Variants in UXS1 observed in about 807,000 individuals in gnomAD.
The protein encoded by UXS1 is UDP-glucuronate decarboxylase 1.
UXS1 carries 33 observed loss-of-function variants against 62.6 expected under a neutral mutation model. The observed-to-expected ratio is 0.53, with a 90% CI of 0.40 to 0.70. UXS1 has a LOEUF of 0.70. Among genes scored for constraint, UXS1 ranks in the 30% least tolerant of loss-of-function variants. The probability of loss-of-function intolerance (pLI) is 0.00; values close to 1 mark genes in which losing one functional copy is unlikely to be tolerated. For missense variants in UXS1, 434 were observed against 556.3 expected (o/e 0.78, Z 2.21); for synonymous variants, 213 against 206.8 (o/e 1.03, Z -0.26).
intron 10 of UXS1, among the ~76,000 whole-genome samples, chr2:106,111,766 C>T (rs1678630892): frequency 6.6e-6 from 1 of 152,186 alleles, no homozygotes; most frequent in Admixed American, 6.5e-5. Context: ...TAATTCTTCC[C>T]CCTGGAATAC....
intron 5 of UXS1, among the ~76,000 whole-genome samples, chr2:106,157,152 G>A (rs1416338930): frequency 6.6e-6 from 1 of 152,078 alleles, no homozygotes; most frequent in Non-Finnish European, 1.5e-5. Flanking sequence ...TTCCTTGGGG[G>A]GGGCCTACAA....
chr2:106,142,084 C>A (rs1052311541), intron 6 of UXS1, among the ~76,000 whole-genome samples: 10 of 152,130 alleles, frequency 6.6e-5, no homozygotes, highest in African/African-American at 2.4e-4. Context: ...GTTGCCCAGG[C>A]TGGACTGAAA....
At chr2:106,143,422 AAAAAAAAAAAAAAAAAG>A (rs1385339953) in intron 6 of UXS1, among the ~76,000 whole-genome samples, 4 of 146,640 alleles carry the variant, frequency 2.7e-5, no homozygotes, top group Non-Finnish European at 6.0e-5. Context: ...AAAAAAAAAA[AAAAAAAAAAAAAAAAAG>A]GTATAATTTG....
intron 14 of UXS1, among the ~76,000 whole-genome samples, chr2:106,094,835 G>C (rs1043513718): frequency 1.3e-5 from 2 of 152,218 alleles, no homozygotes; most frequent in Non-Finnish European, 2.9e-5. Flanking sequence ...GGGCACCACT[G>C]GGGGAGAAGG....
At chr2:106,142,471 A>G (rs553252250) in intron 6 of UXS1, among the ~76,000 whole-genome samples, 1 of 152,316 alleles carries the variant, frequency 6.6e-6, no homozygotes, top group East Asian at 1.9e-4. Context: ...GTAATTTTCC[A>G]GATATCTTTC....
chr2:106,181,365 C>T (rs1212050736), intron 1 of UXS1, among the ~76,000 whole-genome samples: 2 of 152,224 alleles, frequency 1.3e-5, no homozygotes, highest in African/African-American at 2.4e-5. Flanking sequence ...CAGCGAGCAC[C>T]ACCGATTAGG....
At chr2:106,171,619 A>G (rs184708230) in intron 1 of UXS1, among the ~76,000 whole-genome samples, 197 of 152,368 alleles carry the variant, frequency 1.3e-3, no homozygotes, top group African/African-American at 4.4e-3. Flanking sequence ...GCCAGGCCAC[A>G]CAGAAAGTAC....
intron 1 of UXS1, among the ~76,000 whole-genome samples, chr2:106,185,156 T>A (rs6744825): frequency 1.3e-5 from 2 of 152,242 alleles, no homozygotes; most frequent in Non-Finnish European, 2.9e-5. Flanking sequence ...TCAACTCCAC[T>A]GCCCAAATTG....
At chr2:106,125,917 G>A (rs1027182684) in intron 7 of UXS1, among the ~76,000 whole-genome samples, 4 of 152,350 alleles carry the variant, frequency 2.6e-5, no homozygotes, top group Admixed American at 6.5e-5. Flanking sequence ...AGGGCCAAAC[G>A]CAGAATCTGT....
intron 1 of UXS1, among the ~76,000 whole-genome samples, chr2:106,181,389 G>A (rs1055364254): frequency 3.9e-5 from 6 of 152,196 alleles, no homozygotes; most frequent in African/African-American, 9.6e-5. Context: ...GAGAATAACC[G>A]TTAATGAATC....
intron 5 of UXS1, among the ~76,000 whole-genome samples, chr2:106,156,714 T>G (rs1456494680): frequency 1.3e-5 from 2 of 152,226 alleles, no homozygotes; most frequent in African/African-American, 4.8e-5. Flanking sequence ...AAATGTTATG[T>G]AAAAATGTTA....
chr2:106,128,401 T>A (rs60313963), intron 7 of UXS1, among the ~76,000 whole-genome samples: 2 of 152,190 alleles, frequency 1.3e-5, no homozygotes, highest in South Asian at 4.1e-4. Flanking sequence ...AGGTATCTGG[T>A]TGAACATTAT....
chr2:106,181,887 G>C (rs116538812), intron 1 of UXS1, among the ~76,000 whole-genome samples: 5,623 of 152,176 alleles, frequency 0.037, 154 homozygotes, highest in Non-Finnish European at 0.059. Context: ...TCTGAAAGTA[G>C]GGCACTTTCT....
At chr2:106,104,913 G>A (rs760879933) in intron 10 of UXS1, 76 bp from the exon 11 acceptor site, 4 of 1,571,852 alleles carry the variant, frequency 2.5e-6, no homozygotes, top group Admixed American at 1.7e-5. Context: ...AACTCCAGGG[G>A]ACACAGTCCG....
At chr2:106,145,063 T>C (rs1681454012) in intron 6 of UXS1, 127 bp downstream of exon 6, 2 of 1,056,672 alleles carry the variant, frequency 1.9e-6, no homozygotes, top group Non-Finnish European at 2.7e-6. Context: ...TATTGAGACA[T>C]TTCAAAAATA....
chr2:106,163,574 GTTGGCAGAGT>G, intron 4 of UXS1, 83 bp downstream of exon 4: 3 of 840,282 alleles, frequency 3.6e-6, no homozygotes, highest in Non-Finnish European at 3.5e-6. Context: ...ATTTATTTAG[GTTGGCAGAGT>G]TTGGAGCAAA....
In UXS1 at chr2:106,100,857, C is replaced by T. The variant is rs546351425; in HGVS notation, c.984+201G>A. 7.4e-5 allele frequency: 48 copies of T among 645,552 alleles called. No homozygotes were observed. The South Asian group carries it at 8.5e-4, about 11-fold the overall frequency. 40.0% of individuals were successfully genotyped at this position (645,552 alleles called of 1,614,324 possible). A position where few individuals can be genotyped will look rare whatever the true frequency, so the allele number is the denominator to read the frequency against. On this transcript the variant is annotated intron_variant, in intron 12 of 14. Transcript: ENST00000283148. ...GTGGAGGGACTGATTACATCACTCACCCGTGCCTTGCAGATGTTTTACTTC... is the reference window on the plus strand; with the variant it reads ...GTGGAGGGACTGATTACATCACTCATCCGTGCCTTGCAGATGTTTTACTTC...
At chr2:106,159,437 C>T (rs979441420) in intron 4 of UXS1, 10 of 152,246 alleles carry the variant, frequency 6.6e-5, no homozygotes, top group African/African-American at 2.4e-4. Context: ...TGCTCTGACC[C>T]TAAGTCTCAC....
intron 1 of UXS1, among the ~76,000 whole-genome samples, chr2:106,185,015 A>C (rs1053301623): frequency 2.0e-5 from 3 of 152,190 alleles, no homozygotes; most frequent in African/African-American, 7.2e-5. Flanking sequence ...ATTCTTATGG[A>C]GGGCTTACTC....
Sources: gnomAD v4.1 joint callset for allele counts (sites outside exome capture counted in the v4.1 genomes callset) on GRCh38, gnomAD v4.1.1 for gene constraint, MANE v1.5 for transcripts, NCBI Gene and HGNC (gene_info 2026-07-23, HGNC 2026-07-21) for gene names.